MACROD2: variants seen among roughly 807,000 people sequenced by gnomAD.
MACROD2 encodes ADP-ribose glycohydrolase MACROD2.
In MACROD2, 36 loss-of-function variants were observed where a neutral mutation model predicts 70.4. That is an observed-to-expected ratio of 0.51 (90% CI 0.39 to 0.68). MACROD2 has a LOEUF of 0.68. Ranked by LOEUF, MACROD2 falls within the 30% of genes least tolerant of loss-of-function variation. The pLI is 0.00. For synonymous variants in MACROD2, 172 were observed against 178.8 expected (o/e 0.96, Z 0.30); for missense variants, 496 against 538.4 (o/e 0.92, Z 0.78).
intron 5 of MACROD2, among the ~76,000 whole-genome samples, chr20:14,833,050 T>C (rs997002832): frequency 6.6e-6 from 1 of 152,220 alleles, no homozygotes; most frequent in African/African-American, 2.4e-5. Context: ...CACATGTAGC[T>C]GTTTAGCATC....
At chr20:15,421,983 T>A (rs971876027) in intron 6 of MACROD2, among the ~76,000 whole-genome samples, 3 of 152,112 alleles carry the variant, frequency 2.0e-5, no homozygotes, top group Non-Finnish European at 4.4e-5. Context: ...CCAGGGAGTA[T>A]TTGGGAAATG....
intron 3 of MACROD2, among the ~76,000 whole-genome samples, chr20:14,420,932 A>G (rs1374191649): frequency 1.3e-5 from 2 of 152,182 alleles, no homozygotes; most frequent in African/African-American, 2.4e-5. Flanking sequence ...GGCTCAAGCA[A>G]TCCTCCTGCC....
intron 5 of MACROD2, among the ~76,000 whole-genome samples, chr20:14,852,567 T>C (rs1379854776): frequency 6.6e-6 from 1 of 152,042 alleles, no homozygotes; most frequent in African/African-American, 2.4e-5. Context: ...TCTGGTAACA[T>C]CTGATAAGCG....
chr20:15,978,925 G>T (rs1189407106), intron 13 of MACROD2, among the ~76,000 whole-genome samples: 1 of 152,092 alleles, frequency 6.6e-6, no homozygotes, highest in African/African-American at 2.4e-5. Context: ...ACAGCTTGAG[G>T]TTTTTATATT....
chr20:14,493,636 A>C, intron 4 of MACROD2, 128 bp downstream of exon 4: 3 of 678,950 alleles, frequency 4.4e-6, no homozygotes, highest in Non-Finnish European at 7.6e-6. Context: ...CAAAAATGTT[A>C]ATCTTTCAAA....
chr20:14,036,136 C>T (rs745848717), intron 2 of MACROD2, among the ~76,000 whole-genome samples: 5 of 148,168 alleles, frequency 3.4e-5, no homozygotes, highest in Admixed American at 6.7e-5. Flanking sequence ...AGCGAGACTC[C>T]GTCTCAAAAA....
At chr20:15,115,473 C>A (rs2075985361) in intron 5 of MACROD2, among the ~76,000 whole-genome samples, 1 of 152,150 alleles carries the variant, frequency 6.6e-6, no homozygotes, top group Admixed American at 6.5e-5. Context: ...ATCCTCCCAA[C>A]TCAGCCTCCC....
intron 6 of MACROD2, among the ~76,000 whole-genome samples, chr20:15,302,536 T>C (rs965393375): frequency 9.2e-5 from 14 of 151,508 alleles, no homozygotes; most frequent in East Asian, 2.0e-4. Flanking sequence ...TTAAATATTA[T>C]GGATGTATCA....
At chr20:15,510,045 T>A (rs563322561) in intron 8 of MACROD2, among the ~76,000 whole-genome samples, 1 of 152,304 alleles carries the variant, frequency 6.6e-6, no homozygotes, top group South Asian at 2.1e-4. Context: ...ATCTTTAGAG[T>A]TGATATTAAC....
intron 8 of MACROD2, among the ~76,000 whole-genome samples, chr20:15,534,658 C>T (rs1260409566): frequency 6.6e-6 from 1 of 152,102 alleles, no homozygotes; most frequent in Non-Finnish European, 1.5e-5. Context: ...AGCACATAAA[C>T]AGTTCAACCC....
chr20:14,319,246 G>C (rs573035695), intron 3 of MACROD2, among the ~76,000 whole-genome samples: 1 of 152,004 alleles, frequency 6.6e-6, no homozygotes, highest in South Asian at 2.1e-4. Context: ...CAGTGACTTT[G>C]TTCTCCTAGC....
At chr20:15,446,785 T>C (rs2046571618) in intron 7 of MACROD2, among the ~76,000 whole-genome samples, 2 of 152,146 alleles carry the variant, frequency 1.3e-5, no homozygotes, top group African/African-American at 4.8e-5. Context: ...TTTTTTCAAC[T>C]TTGCAAATAT....
chr20:14,735,868 C>CAATA (rs1190652910), intron 5 of MACROD2, among the ~76,000 whole-genome samples: 3 of 151,912 alleles, frequency 2.0e-5, no homozygotes, highest in East Asian at 3.9e-4. Context: ...AAATAAATAA[C>CAATA]AATAAATAAA....
chr20:14,838,402 A>G (rs980239096), intron 5 of MACROD2, among the ~76,000 whole-genome samples: 2 of 152,132 alleles, frequency 1.3e-5, no homozygotes, highest in African/African-American at 4.8e-5. Context: ...AGTCAGACTA[A>G]TCTGAGTGGA....
At chr20:15,631,600 C>G (rs1407942105) in intron 8 of MACROD2, among the ~76,000 whole-genome samples, 1 of 152,098 alleles carries the variant, frequency 6.6e-6, no homozygotes, top group East Asian at 1.9e-4. Flanking sequence ...TTTCTTGAAC[C>G]ATTACAGTAC....
At chr20:14,666,451 C>G (rs1030886297) in intron 4 of MACROD2, among the ~76,000 whole-genome samples, 2 of 152,016 alleles carry the variant, frequency 1.3e-5, no homozygotes, top group African/African-American at 4.8e-5. Context: ...CGACAGAGCT[C>G]AGTAGTAAAT....
At chr20:15,396,794 C>T (rs559427318) in intron 6 of MACROD2, among the ~76,000 whole-genome samples, 70 of 152,250 alleles carry the variant, frequency 4.6e-4, no homozygotes, top group African/African-American at 1.6e-3. Flanking sequence ...ATAACATGTG[C>T]GACTTTGCTC....
At chr20:14,665,805 C>T (rs772078573) in intron 4 of MACROD2, among the ~76,000 whole-genome samples, 4 of 152,002 alleles carry the variant, frequency 2.6e-5, no homozygotes, top group Non-Finnish European at 5.9e-5. Flanking sequence ...CTCCAGGGCA[C>T]TTTTATCTTC....
chr20:14,381,224 A>G (rs1050976835), intron 3 of MACROD2, among the ~76,000 whole-genome samples: 11 of 152,318 alleles, frequency 7.2e-5, no homozygotes, highest in African/African-American at 2.6e-4. Flanking sequence ...CAGTAGAACT[A>G]TTCATATATT....
Sources: gnomAD v4.1 joint callset for allele counts (sites outside exome capture counted in the v4.1 genomes callset) on GRCh38, gnomAD v4.1.1 for gene constraint, MANE v1.5 for transcripts, NCBI Gene and HGNC (gene_info 2026-07-23, HGNC 2026-07-21) for gene names.